The following ERC2 variants were observed in gnomAD, a reference collection of about 807,000 sequenced individuals.
ERC2 encodes ERC protein 2.
In ERC2, 42 loss-of-function variants were observed where a neutral mutation model predicts 114.8. That is an observed-to-expected ratio of 0.37 (90% CI 0.29 to 0.47). ERC2 has a LOEUF of 0.47. ERC2 is among the 20% of genes least tolerant of loss of function. The pLI, the probability that ERC2 is intolerant of heterozygous loss-of-function variation, is 0.99. For missense variants in ERC2, 939 were observed against 1,150.7 expected (o/e 0.82, Z 2.66); for synonymous variants, 454 against 425.5 (o/e 1.07, Z -0.82).
At chr3:56,355,178 G>A (rs988452098) in intron 2 of ERC2, among the ~76,000 whole-genome samples, 3 of 152,164 alleles carry the variant, frequency 2.0e-5, no homozygotes, top group African/African-American at 7.2e-5. Context: ...TATATTTGCT[G>A]AATGATGAAT....
chr3:56,306,180 C>T (rs1309157676), intron 2 of ERC2, among the ~76,000 whole-genome samples: 1 of 152,046 alleles, frequency 6.6e-6, no homozygotes, highest in African/African-American at 2.4e-5. Context: ...TTTTGTAGTA[C>T]AATTGCGAGT....
intron 17 of ERC2, among the ~76,000 whole-genome samples, chr3:55,634,172 T>C (rs2059863795): frequency 6.6e-6 from 1 of 152,330 alleles, no homozygotes; most frequent in African/African-American, 2.4e-5. Context: ...GGTCACAGAA[T>C]GCCCCAGACA....
At chr3:56,154,343 T>C (rs529879844) in intron 4 of ERC2, among the ~76,000 whole-genome samples, 31 of 152,190 alleles carry the variant, frequency 2.0e-4, no homozygotes, top group African/African-American at 5.5e-4. Context: ...GAGAATTAGA[T>C]GGTATCTAAT....
intron 7 of ERC2, among the ~76,000 whole-genome samples, chr3:56,037,525 C>T (rs751864519): frequency 1.7e-4 from 26 of 152,078 alleles, no homozygotes; most frequent in Admixed American, 4.6e-4. Flanking sequence ...AAGGAAGGAA[C>T]AAAAGCTCTG....
chr3:56,157,069 A>C (rs2149977103), intron 4 of ERC2, among the ~76,000 whole-genome samples: 1 of 152,318 alleles, frequency 6.6e-6, no homozygotes, highest in Non-Finnish European at 1.5e-5. Context: ...ACAGGTCAGA[A>C]GACTTACAGA....
chr3:55,660,536 C>T (rs2148707170), intron 17 of ERC2, among the ~76,000 whole-genome samples: 1 of 148,730 alleles, frequency 6.7e-6, no homozygotes, highest in Admixed American at 6.7e-5. Flanking sequence ...TTTCTCCTTG[C>T]TCAGCACCTA....
At chr3:55,722,236 TA>T (rs10707685) in intron 15 of ERC2, among the ~76,000 whole-genome samples, 125,171 of 151,756 alleles carry the variant, frequency 0.82, 52,120 homozygotes, top group African/African-American at 0.94. Flanking sequence ...GTATGCATAT[TA>T]AAAAAAAATA....
intron 17 of ERC2, among the ~76,000 whole-genome samples, chr3:55,648,868 C>CT (rs78937131): frequency 0.16 from 24,313 of 152,006 alleles, 2,373 homozygotes; most frequent in East Asian, 0.38. Flanking sequence ...CAGAAGACAG[C>CT]TTTTTTGTGA....
chr3:55,799,713 G>A (rs2070885861), intron 14 of ERC2, among the ~76,000 whole-genome samples: 1 of 151,980 alleles, frequency 6.6e-6, no homozygotes, highest in Non-Finnish European at 1.5e-5. Flanking sequence ...AAAAACTGAG[G>A]AGGATGTGGG....
rs934106854 is a variant in ERC2, at chr3:55,706,535, T to C, written c.2713-7023A>G. 2.6e-5 allele frequency among the ~76,000 whole-genome samples: 4 copies of C among 152,230 alleles called. No homozygotes were observed. In the East Asian group the frequency reaches 7.7e-4, roughly 29 times the overall value. On this transcript the variant is annotated intron_variant, in intron 15 of 17. Transcript: ENST00000288221. Reference sequence around the variant, plus strand: ...CCTCAGCCTCCAGAGTAGCTGGGATTCCAGGTGCCTTCCACCACTCCCAGT... The same window carrying C: ...CCTCAGCCTCCAGAGTAGCTGGGATCCCAGGTGCCTTCCACCACTCCCAGT...
intron 14 of ERC2, among the ~76,000 whole-genome samples, chr3:55,750,427 AAGG>A (rs894727217): frequency 6.6e-6 from 1 of 152,206 alleles, no homozygotes; most frequent in Admixed American, 6.5e-5. Context: ...TTGCTTTTAA[AAGG>A]AGAACTGGAA....
At chr3:55,712,987 T>G (rs1479853299) in intron 15 of ERC2, among the ~76,000 whole-genome samples, 1 of 152,074 alleles carries the variant, frequency 6.6e-6, no homozygotes, top group East Asian at 1.9e-4. Context: ...GATTTAAAAA[T>G]AAGTAATATA....
intron 2 of ERC2, among the ~76,000 whole-genome samples, chr3:56,395,855 G>T (rs1477326303): frequency 1.3e-5 from 2 of 152,210 alleles, no homozygotes; most frequent in Non-Finnish European, 2.9e-5. Context: ...TGCAATTGAA[G>T]ACTGCTATAC....
At chr3:56,387,102 C>T (rs1469007929) in intron 2 of ERC2, among the ~76,000 whole-genome samples, 1 of 152,108 alleles carries the variant, frequency 6.6e-6, no homozygotes, top group Non-Finnish European at 1.5e-5. Flanking sequence ...ATGTGAAGTG[C>T]ACTAATCTAT....
chr3:56,035,340 A>T (rs1417439624), intron 7 of ERC2, among the ~76,000 whole-genome samples: 2 of 152,202 alleles, frequency 1.3e-5, no homozygotes, highest in African/African-American at 4.8e-5. Context: ...AAACTTCCCC[A>T]CAAAGAAAAG....
chr3:55,972,842 G>A (rs2069273849), intron 12 of ERC2, among the ~76,000 whole-genome samples: 1 of 152,102 alleles, frequency 6.6e-6, no homozygotes, highest in Non-Finnish European at 1.5e-5. Flanking sequence ...GAGGTTTGCA[G>A]GTATATAGAA....
At chr3:56,397,326 G>A (rs952324757) in intron 2 of ERC2, among the ~76,000 whole-genome samples, 45 of 149,418 alleles carry the variant, frequency 3.0e-4, no homozygotes, top group African/African-American at 1.1e-3. Context: ...TCCAGCCTGG[G>A]CAACAGAGCA....
At chr3:56,247,173 A>G (rs534566725) in intron 3 of ERC2, among the ~76,000 whole-genome samples, 1 of 152,362 alleles carries the variant, frequency 6.6e-6, no homozygotes, top group Admixed American at 6.5e-5. Context: ...ACAACATGAC[A>G]TTAAGAAGAC....
intron 14 of ERC2, chr3:55,852,672 C>T (rs2061626056): frequency 6.5e-6 from 1 of 152,718 alleles, no homozygotes; most frequent in Non-Finnish European, 1.5e-5. Context: ...CATTTTTATA[C>T]CTGAAGTTAC....
Sources: allele counts gnomAD v4.1 joint callset (sites outside exome capture counted in the v4.1 genomes callset), GRCh38; gene constraint gnomAD v4.1.1; transcripts MANE v1.5; gene names NCBI Gene and HGNC (gene_info 2026-07-23, HGNC 2026-07-21).